Variants in ABCA13 observed in about 807,000 individuals in gnomAD.
The protein encoded by ABCA13 is ATP binding cassette subfamily A member 13, also known as ATP-binding cassette sub-family A member 13.
ABCA13 carries 476 observed loss-of-function variants against 478.7 expected under a neutral mutation model. The observed-to-expected ratio is 0.99, with a 90% confidence interval of 0.92 to 1.07. ABCA13 has a LOEUF of 1.07. Ranked by LOEUF, ABCA13 falls within the 50% of genes least tolerant of loss-of-function variation. The pLI is 0.00. For synonymous variants in ABCA13, 2,252 were observed against 2,158.9 expected (o/e 1.04, Z -1.20); for missense variants, 6,060 against 5,910.6 (o/e 1.03, Z -0.83).
rs1796716736 is a variant in ABCA13, at chr7:48,279,331, A to C, written c.8137A>C (p.Ile2713Leu). The stretch of plus-strand genomic sequence containing the variant: ...CCCTCAAGATATAAAATGGGAAATA[A>C]TTCATGAAGTGATCCCTTTTTTGGA... ...SGPQDIKWEI[I>L]HEVIPFLDKI... Residue 2713 changes from isoleucine (I) to leucine (L), a missense_variant, in exon 18 of 62, where the codon ATT (isoleucine) becomes CTT (leucine). Physicochemically the swap from Ile to Leu is conservative, Grantham distance 5. Around this residue, in one of 3 missense-constraint regions of ABCA13, gnomAD observed 4,423 missense variants for 4,309.1 expected, o/e 1.03. Transcript: ENST00000435803. 3.2e-6 allele frequency: 5 copies of C among 1,585,932 alleles called. No individual in the cohort carries two copies. The East Asian group carries it at 1.1e-4, about 36-fold the overall frequency.
Position 48,389,068 on chromosome 7 carries a change from G to A in ABCA13, c.11502G>A (p.Glu3834=). 1.2e-6 allele frequency: 2 copies of A among 1,613,886 alleles called. No homozygotes were observed. Among genetic ancestry groups the A allele is most frequent in the Non-Finnish European group, 1.7e-6 (2 of 1,179,832 alleles). Residue 3834 remains glutamate (E), a synonymous_variant, in exon 37 of 62, where the codon GAG becomes GAA. Transcript: ENST00000435803. ...KGSSLQNREG[E]LEGSAPGVTL... Reference sequence around the variant, plus strand: ...CATCACTGCAAAACAGGGAAGGAGAGCTTGAAGGAAGTGCCCCGGGAGTCA... The same window carrying A: ...CATCACTGCAAAACAGGGAAGGAGAACTTGAAGGAAGTGCCCCGGGAGTCA...
intron 29 of ABCA13, among the ~76,000 whole-genome samples, chr7:48,343,757 T>C (rs1240212926): frequency 6.6e-6 from 1 of 152,050 alleles, no homozygotes; most frequent in Non-Finnish European, 1.5e-5. Flanking sequence ...AGTCTTTATA[T>C]AGATTTTTTA....
chr7:48,583,663 A>G (rs567998770), intron 56 of ABCA13, among the ~76,000 whole-genome samples: 6 of 152,364 alleles, frequency 3.9e-5, no homozygotes, highest in Non-Finnish European at 8.8e-5. Context: ...AGTATGGTAC[A>G]ATTTCTAGAG....
Position 48,350,820 on chromosome 7 carries a change from G to GT in ABCA13, c.10381+2dup. 1 of 1,611,692 alleles carries GT rather than the reference G, an allele frequency of 6.2e-7. No individual in the cohort carries two copies. The highest frequency in any genetic ancestry group is 8.5e-7 in the Non-Finnish European group (1 of 1,178,884). On this transcript the variant is annotated splice_donor_variant, in intron 30 of 61. Transcript: ENST00000435803. LOFTEE classifies it high-confidence loss of function. ...TTGCAGCAGAACAGCTTCTTGGCCA[G>GT]TAAGTACTCAATGAAAAAATATGTT...
chr7:48,217,119 A>G (rs576549285), intron 3 of ABCA13, among the ~76,000 whole-genome samples: 1 of 152,348 alleles, frequency 6.6e-6, no homozygotes, highest in African/African-American at 2.4e-5. Flanking sequence ...AAATCATTAT[A>G]TTAAAAAGAT....
chr7:48,221,393 T>C, intron 5 of ABCA13, 84 bp downstream of exon 5: 1 of 697,104 alleles, frequency 1.4e-6, no homozygotes, highest in South Asian at 1.9e-5. Context: ...GTTTACATTT[T>C]CAAAGATTAT....
rs1396332354 is a variant in ABCA13, at chr7:48,455,117, C to T, written c.12646C>T (p.Leu4216Phe). 8 of 1,560,416 alleles carry T rather than the reference C, an allele frequency of 5.1e-6. No homozygotes were observed. The highest frequency in any genetic ancestry group is 6.9e-6 in the Non-Finnish European group (8 of 1,152,972). ...AGTGGCCGCGATCCTGGCCCGGAGG[C>T]TCCGCCGCACGCTGCGCGCCGGGAA... ...AQVAAILARR[L>F]RRTLRAGKST... The change falls in exon 43 of 62, where the codon CTC becomes TTC. Residue 4216 changes from leucine (L) to phenylalanine (F), a missense_variant. By Grantham distance (22) the Leu-to-Phe change is conservative. Transcript: ENST00000435803.
chr7:48,258,230 G>C (rs1471493587), intron 15 of ABCA13, among the ~76,000 whole-genome samples: 1 of 152,014 alleles, frequency 6.6e-6, no homozygotes, highest in Non-Finnish European at 1.5e-5. Flanking sequence ...GACCTTTTTG[G>C]TAGTCTTTTA....
chr7:48,517,336 T>C (rs1442863488), intron 52 of ABCA13, among the ~76,000 whole-genome samples: 2 of 152,152 alleles, frequency 1.3e-5, no homozygotes, highest in Admixed American at 1.3e-4. Context: ...GTCTGAATGA[T>C]GATCTGGCGG....
chr7:48,211,692 G>A (rs941275734), intron 3 of ABCA13, among the ~76,000 whole-genome samples: 1 of 152,070 alleles, frequency 6.6e-6, no homozygotes, highest in African/African-American at 2.4e-5. Flanking sequence ...CAATCCTGCT[G>A]GGACTGGGTC....
chr7:48,446,387 T>TAAA (rs1233064863), intron 42 of ABCA13, among the ~76,000 whole-genome samples: 2 of 116,994 alleles, frequency 1.7e-5, no homozygotes, highest in African/African-American at 2.7e-5. Flanking sequence ...TCATGCCCTT[T>TAAA]AAAAAAAAAA....
chr7:48,608,073 G>A (rs1417591197), intron 58 of ABCA13, among the ~76,000 whole-genome samples: 1 of 152,072 alleles, frequency 6.6e-6, no homozygotes, highest in South Asian at 2.1e-4. Flanking sequence ...TAGAGACAGG[G>A]TTTCACCATG....
At chr7:48,310,475 C>G (rs1376856956) in intron 24 of ABCA13, among the ~76,000 whole-genome samples, 1 of 152,156 alleles carries the variant, frequency 6.6e-6, no homozygotes, top group African/African-American at 2.4e-5. Flanking sequence ...CAGGTGTTCT[C>G]TCCTCTGTAA....
At chr7:48,332,376 C>T (rs898558772) in intron 27 of ABCA13, among the ~76,000 whole-genome samples, 25 of 152,324 alleles carry the variant, frequency 1.6e-4, no homozygotes, top group Admixed American at 1.1e-3. Context: ...GACATACACA[C>T]GTGGCTTACC....
At chr7:48,588,534 G>A (rs1326790567) in intron 57 of ABCA13, among the ~76,000 whole-genome samples, 1 of 152,134 alleles carries the variant, frequency 6.6e-6, no homozygotes, top group Non-Finnish European at 1.5e-5. Context: ...GTGACAGAGT[G>A]GTCAAGGTGG....
intron 3 of ABCA13, among the ~76,000 whole-genome samples, chr7:48,207,113 G>C (rs1168096303): frequency 6.6e-6 from 1 of 152,144 alleles, no homozygotes; most frequent in Admixed American, 6.5e-5. Context: ...ATGCCTTCCA[G>C]TTGCATCCTT....
intron 8 of ABCA13, among the ~76,000 whole-genome samples, chr7:48,237,156 G>T (rs558284496): frequency 2.9e-4 from 44 of 151,828 alleles, no homozygotes; most frequent in African/African-American, 9.9e-4. Flanking sequence ...TCTTGGGTTT[G>T]ACAATAGTGA....
intron 8 of ABCA13, among the ~76,000 whole-genome samples, chr7:48,238,626 G>T (rs1306641768): frequency 1.3e-5 from 2 of 152,028 alleles, no homozygotes; most frequent in Admixed American, 6.5e-5. Flanking sequence ...CCACCACCAC[G>T]CCTGGCTAAT....
At chr7:48,172,680 C>T (rs577369471) in intron 1 of ABCA13, among the ~76,000 whole-genome samples, 1 of 150,814 alleles carries the variant, frequency 6.6e-6, no homozygotes, top group African/African-American at 2.4e-5. Context: ...CGTCTGTAGT[C>T]CCAGCTACGC....
Sources: gnomAD v4.1 joint callset for allele counts (sites outside exome capture counted in the v4.1 genomes callset) on GRCh38, gnomAD v4.1.1 for gene constraint, gnomAD v4.1.1 regional missense constraint, MANE v1.5 for transcripts, NCBI Gene and HGNC (gene_info 2026-07-23, HGNC 2026-07-21) for gene names.